Variants in MORF4L1 observed in about 807,000 individuals in gnomAD.
MORF4L1 encodes the protein mortality factor 4 like 1.
In MORF4L1, 4 loss-of-function variants were observed where a neutral mutation model predicts 52.9. The observed-to-expected ratio is 0.08, with a 90% CI of 0.04 to 0.17. The LOEUF (loss-of-function observed/expected upper bound fraction) is 0.17, where lower values mean the gene tolerates loss of function less well. Among genes scored for constraint, MORF4L1 ranks in the 10% least tolerant of loss-of-function variants. The pLI is 1.00. For missense variants in MORF4L1, 214 were observed against 390.4 expected, an observed-to-expected ratio of 0.55 and a Z score of 3.81; for synonymous variants, 123 against 134.8, an observed-to-expected ratio of 0.91 and a Z score of 0.61.
chr15:78,874,804 A>G lies in MORF4L1; in HGVS notation c.40+1747A>G, dbSNP rs75384806. On this transcript the variant is annotated intron_variant, in intron 1 of 11. Transcript: ENST00000426013. ...CCTCCTATGGGTTCATTATTTTACT[A>G]GACATTTTAGAGCAGATATTCTTAA... Among the ~76,000 whole-genome samples, 4,052 of 123,790 alleles carry G rather than the reference A, an allele frequency of 0.033. 528 individuals carry two copies. In the East Asian group the frequency reaches 0.48, roughly 15 times the overall value. 81.2% of individuals were successfully genotyped at this position (123,790 alleles called of 152,430 possible).
chr15:78,886,328 A>G, intron 4 of MORF4L1, 101 bp downstream of exon 4: 1 of 1,018,078 alleles, frequency 9.8e-7, no homozygotes. Flanking sequence ...CCTGCCTATA[A>G]AATGATTCCT....
chr15:78,896,198 T>C (rs2056884586), intron 11 of MORF4L1, among the ~76,000 whole-genome samples: 1 of 152,072 alleles, frequency 6.6e-6, no homozygotes, highest in African/African-American at 2.4e-5. Context: ...AGGCTGATCT[T>C]GAACTCCTGG....
intron 6 of MORF4L1, 26 bp from the exon 7 acceptor site, chr15:78,891,456 TGA>T (rs1377360101): frequency 6.4e-7 from 1 of 1,571,930 alleles, no homozygotes; most frequent in Non-Finnish European, 8.8e-7. Context: ...ATTAGCTAAA[TGA>T]GACCCCTCCC....
At chr15:78,891,635 A>G (rs2056803937) in intron 7 of MORF4L1, 63 bp downstream of exon 7, 1 of 1,296,234 alleles carries the variant, frequency 7.7e-7, no homozygotes, top group South Asian at 1.3e-5. Context: ...ACATGACATA[A>G]CCATGGGAGC....
intron 3 of MORF4L1, among the ~76,000 whole-genome samples, chr15:78,881,281 C>T (rs543491090): frequency 7.3e-4 from 105 of 144,110 alleles, no homozygotes; most frequent in African/African-American, 2.5e-3. Flanking sequence ...CTGCAACCTC[C>T]GCCTCAGGGG....
intron 1 of MORF4L1, 31 bp downstream of exon 1, chr15:78,873,088 T>C (rs2056398325): frequency 6.5e-7 from 1 of 1,549,418 alleles, no homozygotes; most frequent in African/African-American, 1.4e-5. Flanking sequence ...AAAAGGCACC[T>C]AACGGCGCAG....
chr15:78,875,717 C>T (rs1018215526), intron 1 of MORF4L1, among the ~76,000 whole-genome samples: 12 of 151,202 alleles, frequency 7.9e-5, no homozygotes, highest in African/African-American at 2.7e-4. Context: ...ACCCGGGAGT[C>T]GGAGGTTGCA....
At chr15:78,874,827 T>TTTTTTTTTTTTTTTTTTTTTGAG (rs1350184024) in intron 1 of MORF4L1, among the ~76,000 whole-genome samples, 1 of 151,010 alleles carries the variant, frequency 6.6e-6, no homozygotes, top group African/African-American at 2.4e-5. Flanking sequence ...CAGATATTCT[T>TTTTTTTTTTTTTTTTTTTTTGAG]AATCTAGAGT....
At position 78,893,524 on chromosome 15, in the gene MORF4L1, T is replaced by C. The variant is rs777145018; in HGVS notation, c.541-15T>C. ...AAGAGAGTGCTTATATTTAAGCATA[T>C]TTTTGTCTTCATAGCTCTTTTATCT... On this transcript the variant is annotated splice_polypyrimidine_tract_variant and intron_variant, in intron 8 of 11. Transcript: ENST00000426013. 8 of 1,565,568 alleles carry C rather than the reference T, an allele frequency of 5.1e-6. No individual in the cohort carries two copies. Among genetic ancestry groups the C allele is most frequent in the Middle Eastern group, 3.4e-4 (2 of 5,970 alleles).
chr15:78,895,370 G>A (rs576579132), intron 11 of MORF4L1, among the ~76,000 whole-genome samples: 16 of 152,234 alleles, frequency 1.1e-4, no homozygotes, highest in African/African-American at 3.6e-4. Context: ...TTACATCAAT[G>A]GCAGCACAAA....
intron 11 of MORF4L1, among the ~76,000 whole-genome samples, chr15:78,896,105 A>G (rs1298252218): frequency 6.6e-6 from 1 of 152,018 alleles, no homozygotes; most frequent in Non-Finnish European, 1.5e-5. Context: ...CAGCCTCCCA[A>G]GTAGCTGGGA....
chr15:78,881,189 C>CTTTTTT (rs570514618), intron 3 of MORF4L1, among the ~76,000 whole-genome samples: 17,675 of 66,820 alleles, frequency 0.26, 3,584 homozygotes, highest in African/African-American at 0.34. Flanking sequence ...AGAGTTAAGC[C>CTTTTTT]TTTTTTTTTT....
chr15:78,880,431 A>C, intron 2 of MORF4L1, 81 bp from the exon 3 acceptor site: 1 of 962,154 alleles, frequency 1.0e-6, no homozygotes, highest in Non-Finnish European at 1.6e-6. Flanking sequence ...GCTTGTGTAG[A>C]GTGTCTTTGA....
chr15:78,874,381 T>G (rs2056438096), intron 1 of MORF4L1, among the ~76,000 whole-genome samples: 2 of 152,082 alleles, frequency 1.3e-5, no homozygotes, highest in African/African-American at 4.8e-5. Flanking sequence ...GAGTGACTTT[T>G]TTTGTTTGTA....
intron 3 of MORF4L1, 125 bp from the exon 4 acceptor site, chr15:78,886,016 G>C: frequency 1.5e-6 from 1 of 683,894 alleles, no homozygotes; most frequent in Non-Finnish European, 2.6e-6. Flanking sequence ...TTTTAGTTGA[G>C]AATATATTTG....
intron 3 of MORF4L1, among the ~76,000 whole-genome samples, chr15:78,883,142 G>A (rs2056632573): frequency 6.6e-6 from 1 of 151,650 alleles, no homozygotes; most frequent in South Asian, 2.1e-4. Context: ...TTGAACCCAG[G>A]AGGCGAAGGT....
chr15:78,878,203 C>G lies in MORF4L1; in HGVS notation c.41-10C>G. 1 of 1,607,232 alleles carries G rather than the reference C, an allele frequency of 6.2e-7. No homozygotes were observed. The highest frequency in any genetic ancestry group is 8.5e-7 in the Non-Finnish European group (1 of 1,177,754). On this transcript the variant is annotated splice_polypyrimidine_tract_variant and intron_variant, in intron 1 of 11. Transcript: ENST00000426013. Reference sequence around the variant, plus strand: ...GAAATTACAATTCAGTACTTTTTCTCCCTTTACAGGTGAGCGAGTGCTGTG... The same window carrying G: ...GAAATTACAATTCAGTACTTTTTCTGCCTTTACAGGTGAGCGAGTGCTGTG...
chr15:78,876,946 T>G lies in MORF4L1; in HGVS notation c.41-1267T>G, dbSNP rs143789094. 3.7e-3 allele frequency among the ~76,000 whole-genome samples: 570 copies of G among 152,046 alleles called. 5 individuals carry two copies. Among genetic ancestry groups the G allele is most frequent in the East Asian group, 0.019 (100 of 5,170 alleles). On this transcript the variant is annotated intron_variant, in intron 1 of 11. Transcript: ENST00000426013. ...TTTTAAAAAATATTTTAAATTTTAG[T>G]GGTTTTTTTTTGAGGCGGAGTCTTG...
intron 3 of MORF4L1, among the ~76,000 whole-genome samples, chr15:78,885,836 C>T (rs2056693323): frequency 6.6e-6 from 1 of 152,160 alleles, no homozygotes; most frequent in African/African-American, 2.4e-5. Context: ...TTTAAGATAA[C>T]ATAAGACTAA....
Sources: gnomAD v4.1 joint callset for allele counts (sites outside exome capture counted in the v4.1 genomes callset) on GRCh38, gnomAD v4.1.1 for gene constraint, MANE v1.5 for transcripts, NCBI Gene and HGNC (gene_info 2026-07-23, HGNC 2026-07-21) for gene names.